The following COX11 variants were observed in gnomAD, a reference collection of about 807,000 sequenced individuals.
COX11 encodes cytochrome c oxidase assembly protein COX11, mitochondrial.
A neutral mutation model predicts 29.4 loss-of-function variants in COX11; 18 were observed. The ratio of observed to expected loss-of-function variants is 0.61; its 90% CI spans 0.42 to 0.91. The LOEUF (loss-of-function observed/expected upper bound fraction) is 0.91. Among genes scored for constraint, COX11 ranks in the 40% least tolerant of loss-of-function variants. The pLI is 0.00. For synonymous variants in COX11, 131 were observed against 124.0 expected (o/e 1.06, Z -0.38); for missense variants, 312 against 346.0 (o/e 0.90, Z 0.78).
chr17:54,960,630 A>G lies in COX11; in HGVS notation c.*2103T>C. 1 of 1,601,090 alleles carries G rather than the reference A, an allele frequency of 6.2e-7. No individual in the cohort carries two copies. The highest frequency in any genetic ancestry group is 8.6e-7 in the Non-Finnish European group (1 of 1,168,866). ...AGCTCAAAATGATGGTGACTGAGGTAAAGACTTCAACTTATACAACTTAAT... is the reference window on the plus strand; with the variant it reads ...AGCTCAAAATGATGGTGACTGAGGTGAAGACTTCAACTTATACAACTTAAT... On this transcript the variant is annotated 3_prime_UTR_variant, in exon 4 of 4. Coordinates refer to ENST00000299335, the MANE Select transcript of COX11 (RefSeq NM_004375.5).
At chr17:54,964,947 C>T in intron 1 of COX11, 95 bp from the exon 2 acceptor site, 1 of 1,207,040 alleles carries the variant, frequency 8.3e-7, no homozygotes, top group Non-Finnish European at 1.2e-6. Context: ...TATTTATAAT[C>T]CATTTGGAGC....
At position 54,961,616 on chromosome 17, in the gene COX11, C is replaced by T. The variant is rs2077126758; in HGVS notation, c.*1117G>A. ...TGAAATAATTCTGAATAGATGAAAG[C>T]ATAAAATGTGAGAAACTGAATGTAT... On this transcript the variant is annotated 3_prime_UTR_variant, in exon 4 of 4. Transcript: ENST00000299335. 5 of 1,131,174 alleles carry T rather than the reference C, an allele frequency of 4.4e-6. No homozygotes were observed. In the Admixed American group the frequency reaches 1.4e-4, roughly 32 times the overall value. 70.1% of individuals were successfully genotyped at this position (1,131,174 alleles called of 1,614,324 possible).
rs2077317959 is a variant in COX11, at chr17:54,968,501, C to A, written c.146G>T (p.Gly49Val). 1 of 1,613,322 alleles carries A rather than the reference C, an allele frequency of 6.2e-7. No individual in the cohort carries two copies. The highest frequency in any genetic ancestry group is 1.3e-5 in the African/African-American group (1 of 74,900). ...EWSGTGGAER[G>V]LRWLGTWKRC... Reference sequence around the variant, plus strand: ...CTTCCATGTCCCAAGCCACCTCAGTCCTCTCTCGGCACCTCCTGTCCCACT... The same window carrying A: ...CTTCCATGTCCCAAGCCACCTCAGTACTCTCTCGGCACCTCCTGTCCCACT... Residue 49 changes from glycine to valine, a missense_variant, in exon 1 of 4, where the codon GGA (glycine) becomes GTA (valine). Physicochemically the swap from Gly to Val is moderately radical, Grantham distance 109 (BLOSUM62 -3). This residue lies in a region of COX11 where 130 missense variants were observed against 106.0 expected (regional missense o/e 1.23). Coordinates refer to ENST00000299335, the MANE Select transcript of COX11 (RefSeq NM_004375.5).
chr17:54,963,888 T>A (rs1411704476), intron 2 of COX11, among the ~76,000 whole-genome samples: 1 of 152,108 alleles, frequency 6.6e-6, no homozygotes, highest in Non-Finnish European at 1.5e-5. Context: ...AAAGTGTTAA[T>A]ACTTTGGAGA....
chr17:54,958,008 G>A (rs1029533527), downstream of COX11: 3 of 152,166 alleles, frequency 2.0e-5, no homozygotes, highest in African/African-American at 7.2e-5. Flanking sequence ...AAAGCTTCAG[G>A]TAGCATTAAT....
Position 54,968,639 on chromosome 17 carries a change from C to T in COX11, c.8G>A (p.Gly3Glu), listed in dbSNP as rs994161444. ...GCACCTCCATCCAGGACGCCAGAGC[C>T]CTCCCATAACCCTCTGAACTAACAC... MG[G>E]LWRPGWRCVP... Residue 3 changes from glycine to glutamate, a missense_variant, in exon 1 of 4, where the codon GGG becomes GAG. Gly to Glu is a moderately conservative substitution (Grantham distance 98). Transcript: ENST00000299335. 12 of 1,611,758 alleles carry T rather than the reference C, an allele frequency of 7.4e-6. No individual in the cohort carries two copies. The highest frequency in any genetic ancestry group is 4.0e-5 in the African/African-American group (3 of 74,858).
At position 54,961,934 on chromosome 17, in the gene COX11, CAAAT is replaced by C. The variant is rs1474122587; in HGVS notation, c.*795_*798del. 36 of 894,170 alleles carry C rather than the reference CAAAT, an allele frequency of 4.0e-5. No individual in the cohort carries two copies. The highest frequency in any genetic ancestry group is 1.1e-3 in the Middle Eastern group (2 of 1,778). The allele number at this position is 894,170 out of a possible 1,614,324, so 55.4% of individuals were successfully genotyped here. On this transcript the variant is annotated 3_prime_UTR_variant, in exon 4 of 4. Coordinates refer to ENST00000299335, the MANE Select transcript of COX11 (RefSeq NM_004375.5). ...TTAGAATAAGTTGTACATTTGATGA[CAAAT>C]AAATCACTATTAAAACAATTTAATA...
chr17:54,967,514 T>G (rs868598507), intron 1 of COX11, among the ~76,000 whole-genome samples: 5 of 152,296 alleles, frequency 3.3e-5, no homozygotes, highest in South Asian at 4.1e-4. Flanking sequence ...CCTGTGGTTC[T>G]CAAAACTTGC....
downstream of COX11, chr17:54,956,622 C>T (rs2144048429): frequency 6.6e-6 from 1 of 151,734 alleles, no homozygotes; most frequent in Middle Eastern, 3.4e-3. Flanking sequence ...TAATTTTTTT[C>T]TTTTTTATAG....
Position 54,963,753 on chromosome 17 carries a change from C to A in COX11, c.523-322G>T, listed in dbSNP as rs187653324. ...CAAGCCAATCATATCACAGCCCTAGCCCAACTTTTCTGTAACACTTATACC... is the reference window on the plus strand; with the variant it reads ...CAAGCCAATCATATCACAGCCCTAGACCAACTTTTCTGTAACACTTATACC... On this transcript the variant is annotated intron_variant, in intron 2 of 3. Coordinates refer to ENST00000299335, the MANE Select transcript of COX11 (RefSeq NM_004375.5). Among the ~76,000 whole-genome samples the A allele has an allele frequency of 3.3e-5, 5 of 152,134 alleles. No individual in the cohort carries two copies. The East Asian group carries it at 7.7e-4, about 23-fold the overall frequency.
chr17:54,968,584 G>A lies in COX11; in HGVS notation c.63C>T (p.His21=). 6.2e-7 allele frequency: 1 copy of A among 1,612,978 alleles called. No homozygotes were observed. The highest frequency in any genetic ancestry group is 8.5e-7 in the Non-Finnish European group (1 of 1,179,990). The change falls in exon 1 of 4, where the codon CAC becomes CAT. Residue 21 remains histidine, a synonymous_variant. Transcript: ENST00000299335. ...CVPFCGWRWI[H]PGSPTRAAER... ...CTGCAGCCCTGGTTGGAGACCCAGGGTGGATCCAGCGCCAGCCACAGAAAG... is the reference window on the plus strand; with the variant it reads ...CTGCAGCCCTGGTTGGAGACCCAGGATGGATCCAGCGCCAGCCACAGAAAG...
At chr17:54,954,445 G>C (rs1182719857) in exon 1 of COX11, 3 of 152,250 alleles carry the variant, frequency 2.0e-5, no homozygotes. Context: ...CCCACTATGA[G>C]TGGTGCTCCC....
chr17:54,968,680 G>T, upstream of COX11: 1 of 1,586,346 alleles, frequency 6.3e-7, no homozygotes, highest in East Asian at 2.2e-5. Flanking sequence ...CGCCTCTCAG[G>T]GACGAGAGGT....
chr17:54,963,455 A>G, intron 2 of COX11, 24 bp from the exon 3 acceptor site: 1 of 1,583,548 alleles, frequency 6.3e-7, no homozygotes, highest in Non-Finnish European at 8.5e-7. Context: ...TATATATATT[A>G]TCAATACTTT....
intron 1 of COX11, 23 bp downstream of exon 1, chr17:54,968,258 C>G (rs1328054873): frequency 6.2e-7 from 1 of 1,600,568 alleles, no homozygotes; most frequent in South Asian, 1.1e-5. Context: ...CTGCGCCACC[C>G]TGCGGGCGGC....
At chr17:54,967,080 A>C (rs1390990254) in intron 1 of COX11, among the ~76,000 whole-genome samples, 4 of 151,874 alleles carry the variant, frequency 2.6e-5, no homozygotes, top group Non-Finnish European at 4.4e-5. Context: ...ACACGGAAAG[A>C]GTGAACTCCA....
downstream of COX11, chr17:54,959,588 C>T (rs1319942819): frequency 6.6e-6 from 1 of 150,930 alleles, no homozygotes; most frequent in East Asian, 1.9e-4. Flanking sequence ...GGACTGTAAT[C>T]ACATAGTTTA....
chr17:54,962,557 C>CTT lies in COX11; in HGVS notation c.*174_*175dup. On this transcript the variant is annotated 3_prime_UTR_variant, in exon 4 of 4. Transcript: ENST00000299335. ...ATATTCTAGCTAGGCATATGAGTTTCTTATGATAAAAGCTGAACTTGTTCT... is the reference window on the plus strand; with the variant it reads ...ATATTCTAGCTAGGCATATGAGTTTCTTTTATGATAAAAGCTGAACTTGTTCT... 2.3e-6 allele frequency: 3 copies of CTT among 1,325,986 alleles called. No individual in the cohort carries two copies. Among genetic ancestry groups the CTT allele is most frequent in the Non-Finnish European group, 2.9e-6 (3 of 1,041,856 alleles). 82.1% of individuals were successfully genotyped at this position (1,325,986 alleles called of 1,614,324 possible). A position where few individuals can be genotyped will look rare whatever the true frequency, so the allele number is the denominator to read the frequency against.
chr17:54,952,565 A>T (rs911711769), exon 1 of COX11: 2 of 152,576 alleles, frequency 1.3e-5, no homozygotes, highest in African/African-American at 4.9e-5. Context: ...AAAAAAAAAA[A>T]AAATATGGCT....
Sources: allele counts gnomAD v4.1 joint callset (sites outside exome capture counted in the v4.1 genomes callset), GRCh38; gene constraint gnomAD v4.1.1; regional missense constraint gnomAD v4.1.1; transcripts MANE v1.5; gene names NCBI Gene and HGNC (gene_info 2026-07-23, HGNC 2026-07-21).